The following NDUFA10 variants were observed in gnomAD, a reference collection of about 807,000 sequenced individuals.
NDUFA10 encodes the protein NADH dehydrogenase [ubiquinone] 1 alpha subcomplex subunit 10, mitochondrial.
Under a neutral mutation model 47.8 loss-of-function variants are expected in NDUFA10, and 40 were observed. The ratio of observed to expected loss-of-function variants is 0.84; its 90% confidence interval spans 0.65 to 1.09. The LOEUF is 1.09. Among genes scored for constraint, NDUFA10 ranks in the 50% least tolerant of loss-of-function variants. The pLI is 0.00. For missense variants in NDUFA10, 413 were observed against 451.1 expected (o/e 0.92, Z 0.76); for synonymous variants, 183 against 172.2 (o/e 1.06, Z -0.49).
At chr2:239,951,313 G>A (rs1173352270) in intron 4 of NDUFA10, among the ~76,000 whole-genome samples, 1 of 152,226 alleles carries the variant, frequency 6.6e-6, no homozygotes, top group African/African-American at 2.4e-5. Flanking sequence ...GACAATGGCT[G>A]CGTCAGCCAC....
At chr2:239,950,744 CCTGT>C (rs1694537859) in intron 4 of NDUFA10, among the ~76,000 whole-genome samples, 1 of 152,212 alleles carries the variant, frequency 6.6e-6, no homozygotes, top group Non-Finnish European at 1.5e-5. Context: ...CAGCCGCACG[CCTGT>C]CTGTCCCCGT....
chr2:240,011,393 A>T (rs1697131463), intron 6 of NDUFA10, among the ~76,000 whole-genome samples: 1 of 152,266 alleles, frequency 6.6e-6, no homozygotes, highest in African/African-American at 2.4e-5. Context: ...ATAGCAGAGC[A>T]AAAGTACTGA....
chr2:239,911,687 G>GTGTGTT (rs1441812244), intron 4 of NDUFA10, among the ~76,000 whole-genome samples: 2 of 151,752 alleles, frequency 1.3e-5, no homozygotes, highest in Non-Finnish European at 2.9e-5. Context: ...GTGCGTGTGT[G>GTGTGTT]TGTGTGTGTG....
At chr2:239,986,918 A>T (rs1055820427) in intron 9 of NDUFA10, among the ~76,000 whole-genome samples, 5 of 150,880 alleles carry the variant, frequency 3.3e-5, no homozygotes, top group African/African-American at 1.2e-4. Flanking sequence ...ACAAATGGGA[A>T]CCATATGCCA....
At position 239,959,339 on chromosome 2, in the gene NDUFA10, C is replaced by T. The variant is rs1210537536; in HGVS notation, c.*1779G>A. The T allele has an allele frequency of 3.0e-6, 3 of 985,372 alleles. No individual in the cohort carries two copies. The highest frequency in any genetic ancestry group is 1.2e-4 in the Admixed American group (2 of 16,270). The allele number at this position is 985,372 out of a possible 1,614,324, so 61.0% of individuals were successfully genotyped here. A position where few individuals can be genotyped will look rare whatever the true frequency, so the allele number is the denominator to read the frequency against. On this transcript the variant is annotated 3_prime_UTR_variant, in exon 10 of 10. Coordinates refer to ENST00000252711, the MANE Select transcript of NDUFA10 (RefSeq NM_004544.4). Reference sequence around the variant, plus strand: ...CTCACTGCTGAGGACACTACCCGTGCAACCACCAAGGTTGAAGGAAACAGC... The same window carrying T: ...CTCACTGCTGAGGACACTACCCGTGTAACCACCAAGGTTGAAGGAAACAGC...
chr2:239,896,195 G>A (rs979166913), intron 4 of NDUFA10, among the ~76,000 whole-genome samples: 10 of 152,208 alleles, frequency 6.6e-5, no homozygotes, highest in African/African-American at 1.2e-4. Context: ...CACCAATGCC[G>A]CGTGTGAATG....
At chr2:239,967,570 G>A (rs1293787247) in intron 9 of NDUFA10, among the ~76,000 whole-genome samples, 3 of 152,310 alleles carry the variant, frequency 2.0e-5, no homozygotes, top group East Asian at 1.9e-4. Context: ...AGTCCACGAC[G>A]TGGTTTAAGT....
intron 4 of NDUFA10, among the ~76,000 whole-genome samples, chr2:239,907,102 C>T (rs1215669705): frequency 6.6e-6 from 1 of 152,128 alleles, no homozygotes; most frequent in Admixed American, 6.5e-5. Context: ...AGAAACAATA[C>T]CACACATCTA....
rs530960610 is a variant in NDUFA10 at position 239,914,512 on chromosome 2, C to T, written c.295-19198G>A. Reference sequence around the variant, plus strand: ...ACACACAGAGATACACAAACATACACACAGAACACACACATACATACACAG... The same window carrying T: ...ACACACAGAGATACACAAACATACATACAGAACACACACATACATACACAG... On this transcript the variant is annotated intron_variant, in intron 4 of 5. Transcript: ENST00000419408. Among the ~76,000 whole-genome samples the T allele has an allele frequency of 1.9e-3, 280 of 150,550 alleles. 1 individual carries two copies. The highest frequency in any genetic ancestry group is 4.4e-3 in the Admixed American group (67 of 15,140).
intron 7 of NDUFA10, among the ~76,000 whole-genome samples, chr2:240,006,836 C>T (rs1413987650): frequency 2.6e-5 from 4 of 152,184 alleles, no homozygotes; most frequent in African/African-American, 9.7e-5. Context: ...CTCCTTACTA[C>T]AATCGTATAG....
intron 2 of NDUFA10, 69 bp from the exon 3 acceptor site, chr2:240,021,481 T>C: frequency 7.1e-7 from 1 of 1,414,930 alleles, no homozygotes; most frequent in Admixed American, 1.8e-5. Flanking sequence ...CAGTGGGGAC[T>C]AGCCAAAACA....
In NDUFA10 at chr2:239,931,905, G is replaced by C. The variant is rs1043446025; in HGVS notation, c.295-36591C>G. ...GGCTGGAGTGCAGTGGTGCGATCTC[G>C]GCTCACTGCAAGCTCCGCCTCCCGG... On this transcript the variant is annotated intron_variant, in intron 4 of 5. Transcript: ENST00000419408. Among the ~76,000 whole-genome samples, 7 of 130,918 alleles carry C rather than the reference G, an allele frequency of 5.3e-5. No homozygotes were observed. In the Admixed American group the frequency reaches 6.8e-4, roughly 13 times the overall value. 85.9% of individuals were successfully genotyped at this position (130,918 alleles called of 152,430 possible).
downstream of NDUFA10, among the ~76,000 whole-genome samples, chr2:239,955,572 C>T (rs958834165): frequency 6.6e-6 from 1 of 152,162 alleles, no homozygotes; most frequent in South Asian, 2.1e-4. Context: ...GGGGTTGGCA[C>T]GCGAGGCAAA....
rs188383507 is a variant in NDUFA10, at chr2:239,932,886, T to C, written c.295-37572A>G. ...GTGAGCCACCGCGCCTGGCCTCTGA[T>C]CAAAGTATTTAATGGGCTTTATTAA... On this transcript the variant is annotated intron_variant, in intron 4 of 5. Coordinates refer to the NDUFA10 transcript ENST00000419408. Among the ~76,000 whole-genome samples the C allele has an allele frequency of 1.3e-4, 20 of 152,350 alleles. No homozygotes were observed. In the East Asian group the frequency reaches 3.7e-3, roughly 28 times the overall value.
chr2:239,920,059 G>A (rs1031704845), intron 4 of NDUFA10, among the ~76,000 whole-genome samples: 4 of 152,216 alleles, frequency 2.6e-5, no homozygotes, highest in African/African-American at 9.6e-5. Context: ...CCATTCATAT[G>A]TTGAAGCCCT....
At chr2:239,981,756 G>A (rs1695784327) in intron 9 of NDUFA10, among the ~76,000 whole-genome samples, 2 of 152,118 alleles carry the variant, frequency 1.3e-5, no homozygotes, top group African/African-American at 4.8e-5. Context: ...CCTATTTACA[G>A]AAGCACAGTG....
At chr2:239,948,711 C>A (rs1694498687) in intron 4 of NDUFA10, among the ~76,000 whole-genome samples, 1 of 152,210 alleles carries the variant, frequency 6.6e-6, no homozygotes, top group African/African-American at 2.4e-5. Context: ...GACGACGCAA[C>A]TCAGTATGTC....
At chr2:240,008,891 AACAG>A (rs1697041584) in intron 6 of NDUFA10, among the ~76,000 whole-genome samples, 1 of 152,298 alleles carries the variant, frequency 6.6e-6, no homozygotes, top group East Asian at 1.9e-4. Context: ...CAACCTCGGC[AACAG>A]ACAAATAAAA....
intron 4 of NDUFA10, among the ~76,000 whole-genome samples, chr2:239,916,772 G>T (rs1255685513): frequency 1.3e-5 from 2 of 152,226 alleles, no homozygotes; most frequent in Admixed American, 6.5e-5. Context: ...GGCGCTGTGT[G>T]AGCCTCCTTC....
Sources: allele counts gnomAD v4.1 joint callset (sites outside exome capture counted in the v4.1 genomes callset), GRCh38; gene constraint gnomAD v4.1.1; transcripts MANE v1.5; gene names NCBI Gene and HGNC (gene_info 2026-07-23, HGNC 2026-07-21).